CFAP96: variants seen among roughly 807,000 people sequenced by gnomAD.
The protein encoded by CFAP96 is cilia and flagella associated protein 96, also known as cilia-and flagella-associated protein 96.
the CFAP96 span, among the ~76,000 whole-genome samples, chr4:185,424,672 CCAAA>C: frequency 5.3e-5 from 8 of 152,022 alleles, no homozygotes; most frequent in East Asian, 1.9e-4. Flanking sequence ...AAGAATACTA[CCAAA>C]CAAACTAGTA....
chr4:185,425,559 C>T, the CFAP96 span, among the ~76,000 whole-genome samples: 3 of 152,304 alleles, frequency 2.0e-5, no homozygotes, highest in South Asian at 2.1e-4. Flanking sequence ...TTGCGCCTGT[C>T]CCAGGTTAAG....
the CFAP96 span, chr4:185,425,933 A>C: frequency 6.4e-7 from 1 of 1,560,214 alleles, no homozygotes; most frequent in East Asian, 2.4e-5. Flanking sequence ...CCGGCCCTGA[A>C]GTGGTGTCAC....
At chr4:185,429,532 C>T in the CFAP96 span, 1 of 1,349,708 alleles carries the variant, frequency 7.4e-7, no homozygotes, top group African/African-American at 1.5e-5. Context: ...TTGCTTTTCT[C>T]TATGGACGAA....
the CFAP96 span, chr4:185,422,411 T>C: frequency 2.4e-5 from 27 of 1,119,672 alleles, no homozygotes; most frequent in Middle Eastern, 4.1e-4. Flanking sequence ...TCAGTTTCAT[T>C]TGCAAAGTGG....
At chr4:185,411,428 T>TA in the CFAP96 span, among the ~76,000 whole-genome samples, 3 of 151,446 alleles carry the variant, frequency 2.0e-5, no homozygotes, top group Admixed American at 6.6e-5. Context: ...ATATCACTAA[T>TA]AAAAAAACAA....
the CFAP96 span, among the ~76,000 whole-genome samples, chr4:185,443,343 T>TATATATATATATA: frequency 2.6e-4 from 5 of 19,210 alleles, no homozygotes; most frequent in African/African-American, 5.4e-4. Context: ...TATATATATA[T>TATATATATATATA]TTTTTTTTTT....
At chr4:185,410,706 G>T in the CFAP96 span, among the ~76,000 whole-genome samples, 2 of 151,236 alleles carry the variant, frequency 1.3e-5, no homozygotes, top group East Asian at 3.9e-4. Flanking sequence ...CAGCACTTTG[G>T]GAGGCTGAGG....
chr4:185,421,637 T>G, the CFAP96 span, among the ~76,000 whole-genome samples: 1 of 152,232 alleles, frequency 6.6e-6, no homozygotes, highest in Admixed American at 6.5e-5. Context: ...ATGCTTTTTG[T>G]ACAGTCTGCA....
chr4:185,416,675 A>G, the CFAP96 span, among the ~76,000 whole-genome samples: 1 of 152,232 alleles, frequency 6.6e-6, no homozygotes, highest in Non-Finnish European at 1.5e-5. Flanking sequence ...TTCTCCAGCT[A>G]GAACAGAGAA....
the CFAP96 span, among the ~76,000 whole-genome samples, chr4:185,439,112 G>T: frequency 6.6e-6 from 1 of 152,198 alleles, no homozygotes; most frequent in Non-Finnish European, 1.5e-5. Flanking sequence ...TCACATGCAT[G>T]AGAATCACTG....
At chr4:185,408,492 T>C in the CFAP96 span, 22 of 1,523,146 alleles carry the variant, frequency 1.4e-5, no homozygotes, top group Non-Finnish European at 1.9e-5. Flanking sequence ...GTACATATTC[T>C]ATATATGCTC....
At chr4:185,448,090 G>A in the CFAP96 span, among the ~76,000 whole-genome samples, 19 of 151,572 alleles carry the variant, frequency 1.3e-4, no homozygotes, top group African/African-American at 4.6e-4. Flanking sequence ...GTGTGATCTC[G>A]GCTCACTGCA....
the CFAP96 span, among the ~76,000 whole-genome samples, chr4:185,435,521 A>G: frequency 6.6e-6 from 1 of 152,224 alleles, no homozygotes; most frequent in Non-Finnish European, 1.5e-5. Context: ...TTACATAGAT[A>G]CTGTGTGCCC....
chr4:185,413,400 A>C, the CFAP96 span, among the ~76,000 whole-genome samples: 1 of 152,088 alleles, frequency 6.6e-6, no homozygotes, highest in African/African-American at 2.4e-5. Flanking sequence ...AAAAACAAAA[A>C]AAGATTTATC....
the CFAP96 span, among the ~76,000 whole-genome samples, chr4:185,431,787 T>C: frequency 6.6e-6 from 1 of 152,232 alleles, no homozygotes; most frequent in African/African-American, 2.4e-5. Flanking sequence ...TTAACATGTT[T>C]TGATGAAAAC....
At chr4:185,436,077 G>C in the CFAP96 span, 1 of 1,550,462 alleles carries the variant, frequency 6.4e-7, no homozygotes, top group African/African-American at 1.4e-5. Context: ...TGGAACAATA[G>C]GTGGTCCAGT....
At chr4:185,415,022 AAATG>A in the CFAP96 span, 1 of 725,368 alleles carries the variant, frequency 1.4e-6, no homozygotes, top group Non-Finnish European at 2.1e-6. Context: ...ATAATGTGTA[AAATG>A]AATAGTCTAA....
chr4:185,425,951 C>T, the CFAP96 span: 1 of 1,516,794 alleles, frequency 6.6e-7, no homozygotes, highest in South Asian at 1.2e-5. Flanking sequence ...CACCGCACGG[C>T]CCAGGGGCGG....
chr4:185,415,887 T>TAGTATGACTACA, the CFAP96 span: 1 of 1,585,434 alleles, frequency 6.3e-7, no homozygotes, highest in Non-Finnish European at 8.6e-7. Context: ...TAAACAGTAA[T>TAGTATGACTACA]AGTCAACTTG....
Sources: gnomAD v4.1 joint callset for allele counts (sites outside exome capture counted in the v4.1 genomes callset) on GRCh38, gnomAD v4.1.1 for gene constraint, MANE v1.5 for transcripts, NCBI Gene and HGNC (gene_info 2026-07-23, HGNC 2026-07-21) for gene names.